DYM: variants seen among roughly 807,000 people sequenced by gnomAD.
The protein encoded by DYM is dyggve-Melchior-Clausen syndrome protein.
In DYM, 78 loss-of-function variants were observed where a neutral mutation model predicts 93.1. The ratio of observed to expected loss-of-function variants is 0.84; its 90% CI spans 0.70 to 1.01. The LOEUF is 1.01. Among genes scored for constraint, DYM ranks in the 50% least tolerant of loss-of-function variants. The pLI is 0.00. For missense variants in DYM, 789 were observed against 845.0 expected, an observed-to-expected ratio of 0.93 and a Z score of 0.82; for synonymous variants, 321 against 319.7, an observed-to-expected ratio of 1.00 and a Z score of -0.04.
At chr18:49,431,780 G>C (rs1600204192) in intron 1 of DYM, 1 of 152,188 alleles carries the variant, frequency 6.6e-6, no homozygotes. Flanking sequence ...GAATTTGGGA[G>C]CTGGATTGAG....
At chr18:49,459,470 T>G (rs553846934) in intron 1 of DYM, among the ~76,000 whole-genome samples, 2 of 152,258 alleles carry the variant, frequency 1.3e-5, no homozygotes, top group African/African-American at 4.8e-5. Flanking sequence ...CGTTCTTCTC[T>G]TGAGCCCTCA....
intron 1 of DYM, among the ~76,000 whole-genome samples, chr18:49,439,168 T>G (rs2081106667): frequency 6.6e-6 from 1 of 152,168 alleles, no homozygotes; most frequent in Non-Finnish European, 1.5e-5. Flanking sequence ...TCTAAAATAT[T>G]TCAGACTTTT....
chr18:49,378,166 ACCTTTAC>A (rs2067693022), intron 5 of DYM, among the ~76,000 whole-genome samples: 1 of 152,228 alleles, frequency 6.6e-6, no homozygotes, highest in Admixed American at 6.5e-5. Flanking sequence ...TATGAAAGTA[ACCTTTAC>A]CATAAAATCT....
At chr18:49,421,217 C>A (rs988490465) in intron 2 of DYM, among the ~76,000 whole-genome samples, 1 of 152,146 alleles carries the variant, frequency 6.6e-6, no homozygotes, top group African/African-American at 2.4e-5. Flanking sequence ...GGTCCCTGAC[C>A]CCTGAGTAGC....
chr18:49,392,571 A>G (rs541364026), intron 2 of DYM, among the ~76,000 whole-genome samples: 1 of 151,544 alleles, frequency 6.6e-6, no homozygotes, highest in South Asian at 2.1e-4. Context: ...CAAAGAGGAT[A>G]TAGAAATGGC....
chr18:49,159,280 C>T (rs2086817029), intron 15 of DYM, among the ~76,000 whole-genome samples: 2 of 151,956 alleles, frequency 1.3e-5, no homozygotes, highest in South Asian at 4.1e-4. Context: ...AATAGAACAA[C>T]CTAAAAAGGA....
intron 2 of DYM, among the ~76,000 whole-genome samples, chr18:49,425,667 C>A (rs538237867): frequency 6.6e-6 from 1 of 152,038 alleles, no homozygotes; most frequent in Admixed American, 6.6e-5. Context: ...CTAATATCCA[C>A]AATCTACAAA....
At chr18:49,167,797 T>G (rs1177233354) in intron 14 of DYM, among the ~76,000 whole-genome samples, 1 of 152,214 alleles carries the variant, frequency 6.6e-6, no homozygotes, top group Non-Finnish European at 1.5e-5. Context: ...ATCTATTTGC[T>G]AGAATACTTT....
intron 14 of DYM, among the ~76,000 whole-genome samples, chr18:49,195,964 C>A (rs2091410469): frequency 8.8e-6 from 1 of 113,178 alleles, no homozygotes; most frequent in African/African-American, 3.5e-5. Context: ...CGCTCTGTTG[C>A]CCAACTTGGA....
intron 3 of DYM, among the ~76,000 whole-genome samples, chr18:49,388,447 A>T (rs2068846788): frequency 6.6e-6 from 1 of 152,128 alleles, no homozygotes; most frequent in Non-Finnish European, 1.5e-5. Flanking sequence ...AAAAAGGCCT[A>T]ACAAGTATAT....
At chr18:49,083,322 A>G (rs2078221616) in intron 17 of DYM, among the ~76,000 whole-genome samples, 1 of 152,162 alleles carries the variant, frequency 6.6e-6, no homozygotes, top group African/African-American at 2.4e-5. Flanking sequence ...TCAGTTTTGG[A>G]TATTAAACTA....
intron 14 of DYM, among the ~76,000 whole-genome samples, chr18:49,205,682 T>A (rs1488809993): frequency 6.6e-6 from 1 of 151,984 alleles, no homozygotes; most frequent in Non-Finnish European, 1.5e-5. Flanking sequence ...GAACAAAAAT[T>A]AAGGGGAGTC....
intron 2 of DYM, among the ~76,000 whole-genome samples, chr18:49,398,460 A>T (rs540842610): frequency 6.6e-6 from 1 of 152,330 alleles, no homozygotes; most frequent in East Asian, 1.9e-4. Flanking sequence ...AGATGGAAAG[A>T]CAGGCTTTCC....
At chr18:49,251,971 T>C (rs1337221403) in intron 13 of DYM, among the ~76,000 whole-genome samples, 3 of 151,902 alleles carry the variant, frequency 2.0e-5, no homozygotes, top group Non-Finnish European at 2.9e-5. Context: ...CCCAGCACTT[T>C]GGGAGGCTAA....
intron 2 of DYM, among the ~76,000 whole-genome samples, chr18:49,425,643 C>A (rs953982650): frequency 3.3e-5 from 5 of 152,104 alleles, no homozygotes; most frequent in African/African-American, 1.2e-4. Flanking sequence ...GCAATCTACC[C>A]ATCTGACAAA....
intron 16 of DYM, among the ~76,000 whole-genome samples, chr18:49,102,826 T>A (rs544072256): frequency 6.6e-6 from 1 of 152,224 alleles, no homozygotes; most frequent in Non-Finnish European, 1.5e-5. Flanking sequence ...TGATGGACAT[T>A]TGGCTTGGTT....
chr18:49,250,962 C>G, intron 13 of DYM, among the ~76,000 whole-genome samples: 1 of 152,282 alleles, frequency 6.6e-6, no homozygotes, highest in East Asian at 1.9e-4. Flanking sequence ...TGCCATTCTG[C>G]GTTGGGTAAT....
chr18:49,177,560 C>A (rs2089517502), intron 14 of DYM, among the ~76,000 whole-genome samples: 1 of 152,080 alleles, frequency 6.6e-6, no homozygotes, highest in Non-Finnish European at 1.5e-5. Context: ...AATTATAGGT[C>A]TTTACTGGTA....
At chr18:49,339,145 G>T (rs1292236567) in intron 6 of DYM, among the ~76,000 whole-genome samples, 1 of 152,224 alleles carries the variant, frequency 6.6e-6, no homozygotes, top group Non-Finnish European at 1.5e-5. Flanking sequence ...CAGGCATGTG[G>T]TGATATAAAA....
Sources: gnomAD v4.1 joint callset for allele counts (sites outside exome capture counted in the v4.1 genomes callset) on GRCh38, gnomAD v4.1.1 for gene constraint, MANE v1.5 for transcripts, NCBI Gene and HGNC (gene_info 2026-07-23, HGNC 2026-07-21) for gene names.